IMMP2L: variants seen among roughly 807,000 people sequenced by gnomAD.
IMMP2L encodes mitochondrial inner membrane protease subunit 2.
A neutral mutation model predicts 19.3 loss-of-function variants in IMMP2L; 18 were observed. That is an observed-to-expected ratio of 0.93 (90% CI 0.64 to 1.38). IMMP2L has a LOEUF of 1.38. Ranked by LOEUF, IMMP2L falls within the 40% of genes most tolerant of loss-of-function variation. IMMP2L has a pLI of 0.00. For synonymous variants in IMMP2L, 76 were observed against 73.0 expected (o/e 1.04, Z -0.21); for missense variants, 233 against 218.2 (o/e 1.07, Z -0.43).
intron 5 of IMMP2L, among the ~76,000 whole-genome samples, chr7:110,830,027 G>T (rs1047029410): frequency 2.0e-5 from 3 of 152,076 alleles, no homozygotes; most frequent in African/African-American, 7.2e-5. Context: ...AGGGAACAGG[G>T]CTGGGGCAAG....
intron 5 of IMMP2L, among the ~76,000 whole-genome samples, chr7:110,668,035 G>A (rs118063445): frequency 0.014 from 2,117 of 151,968 alleles, 23 homozygotes; most frequent in Non-Finnish European, 0.02. Context: ...ATTCTCTTGT[G>A]CACCTTGCTT....
intron 3 of IMMP2L, chr7:111,124,949 A>G: frequency 1.6e-6 from 2 of 1,270,768 alleles, no homozygotes; most frequent in Non-Finnish European, 1.1e-6. Context: ...AAAAAAAGCG[A>G]AAGACTGCAG....
intron 3 of IMMP2L, among the ~76,000 whole-genome samples, chr7:111,014,323 C>T (rs1825273219): frequency 6.6e-6 from 1 of 151,862 alleles, no homozygotes; most frequent in Admixed American, 6.6e-5. Context: ...TCATTGCACT[C>T]CAGCTTTGGC....
At chr7:111,368,528 T>G (rs567068554) in intron 3 of IMMP2L, among the ~76,000 whole-genome samples, 7 of 152,072 alleles carry the variant, frequency 4.6e-5, no homozygotes, top group Admixed American at 6.6e-5. Context: ...GTTGCTGTTG[T>G]TCCTGAAAGT....
chr7:111,516,234 T>G (rs759714549), intron 2 of IMMP2L, among the ~76,000 whole-genome samples: 1 of 152,066 alleles, frequency 6.6e-6, no homozygotes, highest in Non-Finnish European at 1.5e-5. Flanking sequence ...GCATCGTGAC[T>G]CAGGAAGAAT....
At chr7:111,067,671 G>A (rs186491623) in intron 3 of IMMP2L, among the ~76,000 whole-genome samples, 12 of 152,054 alleles carry the variant, frequency 7.9e-5, no homozygotes, top group East Asian at 1.9e-4. Flanking sequence ...GCACTATTTC[G>A]TAGGAAAACT....
chr7:110,761,806 C>T (rs571161830), intron 5 of IMMP2L, among the ~76,000 whole-genome samples: 1 of 152,288 alleles, frequency 6.6e-6, no homozygotes, highest in South Asian at 2.1e-4. Flanking sequence ...AACATCTATG[C>T]CATGCTGAGT....
intron 3 of IMMP2L, among the ~76,000 whole-genome samples, chr7:111,100,701 G>A (rs1033653018): frequency 6.6e-6 from 1 of 151,126 alleles, no homozygotes; most frequent in Non-Finnish European, 1.5e-5. Flanking sequence ...ACTGGATTAA[G>A]GTTTTTTTGT....
chr7:111,071,991 A>G (rs2129575452), intron 3 of IMMP2L, among the ~76,000 whole-genome samples: 1 of 152,300 alleles, frequency 6.6e-6, no homozygotes, highest in South Asian at 2.1e-4. Flanking sequence ...GTCATGACAA[A>G]TGAGTGAAAA....
rs187737286 is a variant in IMMP2L at position 110,963,462 on chromosome 7, T to G, written c.305+38A>C. 7,073 of 1,421,238 alleles carry G rather than the reference T, an allele frequency of 5.0e-3. 34 individuals are homozygous for G. Among genetic ancestry groups the G allele is most frequent in the Non-Finnish European group, 5.5e-3 (5,552 of 1,015,256 alleles). 88.0% of individuals were successfully genotyped at this position (1,421,238 alleles called of 1,614,324 possible). ...AATGTAGGTAACAGAACTCTAGATATTTAAAACTTGAACTCAGAAACAACA... is the reference window on the plus strand; with the variant it reads ...AATGTAGGTAACAGAACTCTAGATAGTTAAAACTTGAACTCAGAAACAACA... On this transcript the variant is annotated intron_variant, in intron 4 of 5. Transcript: ENST00000405709.
chr7:110,682,387 A>G (rs1244560320), intron 5 of IMMP2L, among the ~76,000 whole-genome samples: 1 of 152,108 alleles, frequency 6.6e-6, no homozygotes, highest in East Asian at 1.9e-4. Flanking sequence ...CTTTCTCTCT[A>G]CCACTTGTGA....
chr7:110,684,490 T>A (rs1177230156), intron 5 of IMMP2L, among the ~76,000 whole-genome samples: 1 of 152,058 alleles, frequency 6.6e-6, no homozygotes, highest in African/African-American at 2.4e-5. Context: ...CTCTAATTTG[T>A]AAATTTTCTT....
intron 5 of IMMP2L, among the ~76,000 whole-genome samples, chr7:110,829,520 G>A (rs1803776392): frequency 6.6e-6 from 1 of 151,906 alleles, no homozygotes; most frequent in African/African-American, 2.4e-5. Context: ...ACCCCAAATG[G>A]GAAGAATTCT....
chr7:111,076,821 G>C (rs1276587927), intron 3 of IMMP2L, among the ~76,000 whole-genome samples: 1 of 152,162 alleles, frequency 6.6e-6, no homozygotes, highest in Admixed American at 6.5e-5. Context: ...GGGTACGTCA[G>C]AATACACCTC....
intron 3 of IMMP2L, among the ~76,000 whole-genome samples, chr7:111,120,470 C>T (rs1800458968): frequency 6.6e-6 from 1 of 152,152 alleles, no homozygotes; most frequent in African/African-American, 2.4e-5. Context: ...ATTTAATTAT[C>T]TCCCACCAGG....
chr7:110,872,668 G>C (rs908190178), intron 5 of IMMP2L, among the ~76,000 whole-genome samples: 1 of 152,070 alleles, frequency 6.6e-6, no homozygotes, highest in Non-Finnish European at 1.5e-5. Flanking sequence ...ACTCTTCCAG[G>C]ACGGGCACTT....
Position 111,023,379 on chromosome 7 carries a change from A to T in IMMP2L, c.240-59814T>A, listed in dbSNP as rs556931092. ...AAATCATCTAGACTAGCGTGGCTCA[A>T]AATGCTCCTTTCAAACAAATATAAA... On this transcript the variant is annotated intron_variant, in intron 3 of 5. Transcript: ENST00000405709. Among the ~76,000 whole-genome samples the T allele has an allele frequency of 3.3e-5, 5 of 152,268 alleles. No homozygotes were observed. In the East Asian group the frequency reaches 9.7e-4, roughly 29 times the overall value.
At chr7:110,667,150 G>A (rs549236516) in intron 5 of IMMP2L, among the ~76,000 whole-genome samples, 46 of 152,312 alleles carry the variant, frequency 3.0e-4, no homozygotes, top group Non-Finnish European at 5.7e-4. Flanking sequence ...GATTACAGGC[G>A]TGAGCCACTG....
At chr7:110,905,095 C>T (rs916316879) in intron 4 of IMMP2L, among the ~76,000 whole-genome samples, 3 of 152,116 alleles carry the variant, frequency 2.0e-5, no homozygotes, top group Non-Finnish European at 4.4e-5. Flanking sequence ...CATTTAGGGA[C>T]CTGCCTTGCA....
Sources: allele counts gnomAD v4.1 joint callset (sites outside exome capture counted in the v4.1 genomes callset), GRCh38; gene constraint gnomAD v4.1.1; transcripts MANE v1.5; gene names NCBI Gene and HGNC (gene_info 2026-07-23, HGNC 2026-07-21).